The following PTK2B variants were observed in gnomAD, a reference collection of about 807,000 sequenced individuals.
PTK2B encodes the protein protein tyrosine kinase 2 beta.
PTK2B carries 71 observed loss-of-function variants against 142.9 expected under a neutral mutation model. That is an observed-to-expected ratio of 0.50 (90% confidence interval 0.41 to 0.61). The LOEUF (loss-of-function observed/expected upper bound fraction) is 0.61, where lower values mean the gene tolerates loss of function less well. Among genes scored for constraint, PTK2B ranks in the 20% least tolerant of loss-of-function variants. The pLI is 0.00. For synonymous variants in PTK2B, 519 were observed against 503.4 expected (o/e 1.03, Z -0.42); for missense variants, 1,105 against 1,320.4 (o/e 0.84, Z 2.53).
chr8:27,353,492 C>T (rs548130911), intron 1 of PTK2B, among the ~76,000 whole-genome samples: 14 of 152,346 alleles, frequency 9.2e-5, no homozygotes, highest in South Asian at 2.1e-4. Context: ...TGCCCTCACA[C>T]GCTGATCTGT....
rs552573345 is a variant in PTK2B at position 27,390,063 on chromosome 8, G to A, written c.-37-7485G>A. Among the ~76,000 whole-genome samples the A allele has an allele frequency of 1.2e-4, 18 of 152,196 alleles. 1 individual carries two copies. Among genetic ancestry groups the A allele is most frequent in the South Asian group, 8.3e-4 (4 of 4,826 alleles). On this transcript the variant is annotated intron_variant, in intron 1 of 30. Transcript: ENST00000346049. ...GGAGTGGAAATAAAGTGTGTGTCTC[G>A]TGACATTGTGACTTCTGCTAGATCC...
chr8:27,362,543 C>T (rs552626767), intron 1 of PTK2B, among the ~76,000 whole-genome samples: 38 of 152,200 alleles, frequency 2.5e-4, no homozygotes, highest in Admixed American at 2.5e-3. Flanking sequence ...TCTGACACTA[C>T]TCATCCTCCT....
Position 27,363,899 on chromosome 8 carries a change from C to A in PTK2B, c.-37-33649C>A, listed in dbSNP as rs967299660. ...CTGGAGATGAGGAAGTGAGGAAATACCCAGGGCGCTGCAGGGCTAAGATTA... is the reference window on the plus strand; with the variant it reads ...CTGGAGATGAGGAAGTGAGGAAATAACCAGGGCGCTGCAGGGCTAAGATTA... On this transcript the variant is annotated intron_variant, in intron 1 of 30. Transcript: ENST00000346049. The surrounding 1 kb of genome is among the most constrained non-coding windows in gnomAD (Gnocchi z 4.3). Among the ~76,000 whole-genome samples the A allele has an allele frequency of 6.6e-6, 1 of 152,182 alleles. No individual in the cohort carries two copies. The highest frequency in any genetic ancestry group is 2.4e-5 in the African/African-American group (1 of 41,434).
intron 3 of PTK2B, among the ~76,000 whole-genome samples, chr8:27,319,280 T>C (rs1429392893): frequency 7.2e-6 from 1 of 139,022 alleles, no homozygotes; most frequent in African/African-American, 3.3e-5. Context: ...TCTACAGATT[T>C]TTTTTTGGAT....
rs1812327829 is a variant in PTK2B at position 27,458,954 on chromosome 8, G to T, written c.*445G>T. The T allele has an allele frequency of 3.1e-6, 1 of 319,962 alleles. No homozygotes were observed. Among genetic ancestry groups the T allele is most frequent in the Admixed American group, 4.6e-5 (1 of 21,802 alleles). The allele number at this position is 319,962 out of a possible 1,614,324, so 19.8% of individuals were successfully genotyped here. A position where few individuals can be genotyped will look rare whatever the true frequency, so the allele number is the denominator to read the frequency against. ...AGAAGCTGGGGAGGAGCTTTGTTTT[G>T]GGGGTCAGGCAGCCAGTGAGATGAG... On this transcript the variant is annotated 3_prime_UTR_variant, in exon 31 of 31. Coordinates refer to ENST00000346049, the MANE Select transcript of PTK2B (RefSeq NM_173176.3).
At chr8:27,384,102 G>C (rs185570145) in intron 1 of PTK2B, among the ~76,000 whole-genome samples, 1 of 151,276 alleles carries the variant, frequency 6.6e-6, no homozygotes, top group South Asian at 2.1e-4. Context: ...CTCCTGCCTC[G>C]GCCTCCCAAA....
Position 27,430,999 on chromosome 8 carries a change from T to C in PTK2B, c.793T>C (p.Tyr265His), listed in dbSNP as rs772315208. ...AGFANIDQET[Y>H]RCELIQGWNI... ...CTTCGCCAACATCGACCAGGAGACC[T>C]ACCGCTGTGAACTCATTGTAATGGC... The change falls in exon 8 of 31, where the codon TAC becomes CAC. Residue 265 changes from tyrosine to histidine, a missense_variant. Tyr to His is a moderately conservative substitution (Grantham distance 83). Coordinates refer to ENST00000346049, the MANE Select transcript of PTK2B (RefSeq NM_173176.3). 7 of 1,613,926 alleles carry C rather than the reference T, an allele frequency of 4.3e-6. No homozygotes were observed. The highest frequency in any genetic ancestry group is 1.3e-5 in the African/African-American group (1 of 74,934).
chr8:27,331,444 C>T (rs918991239), intron 1 of PTK2B, among the ~76,000 whole-genome samples: 2 of 149,590 alleles, frequency 1.3e-5, no homozygotes, highest in Admixed American at 1.3e-4. Context: ...CCACTTGGAG[C>T]ACCATCATTT....
chr8:27,453,300 G>A (rs919187718), intron 28 of PTK2B, 140 bp downstream of exon 28: 11 of 1,171,530 alleles, frequency 9.4e-6, no homozygotes, highest in Non-Finnish European at 1.3e-5. Flanking sequence ...CCGGGGTTAG[G>A]GGGCGGGTGG....
At chr8:27,436,156 TG>T in intron 14 of PTK2B, 94 bp from the exon 15 acceptor site, 1 of 1,170,120 alleles carries the variant, frequency 8.5e-7, no homozygotes, top group Non-Finnish European at 1.3e-6. Flanking sequence ...GTTATAGATC[TG>T]GTGACGCCTG....
chr8:27,331,687 A>G (rs1249577198), intron 1 of PTK2B, among the ~76,000 whole-genome samples: 2 of 113,984 alleles, frequency 1.8e-5, no homozygotes, highest in South Asian at 3.2e-4. Context: ...GGGTTTCACC[A>G]TATTAGCCAG....
At chr8:27,433,806 C>G (rs1810595562) in intron 11 of PTK2B, among the ~76,000 whole-genome samples, 1 of 152,214 alleles carries the variant, frequency 6.6e-6, no homozygotes, top group African/African-American at 2.4e-5. Context: ...CCAGCAAGCT[C>G]AAAGCCATTG....
Position 27,450,768 on chromosome 8 carries a change from C to A in PTK2B, c.2360C>A (p.Pro787His). ...TCCCAGGAGGAGGACTTCATCCAAC[C>A]CAGCAGCCGAGAAGAGGCCCAGCAG... ...HSMREEDFIQPSSREEAQQLW... is the reference protein window; with the variant it reads ...HSMREEDFIQHSSREEAQQLW... The change falls in exon 25 of 31, where the codon CCC (proline) becomes CAC (histidine). Residue 787 changes from proline (P) to histidine (H), a missense_variant. Physicochemically the swap from Pro to His is moderately conservative, Grantham distance 77. Transcript: ENST00000346049. 1 of 1,614,182 alleles carries A rather than the reference C, an allele frequency of 6.2e-7. No homozygotes were observed. The highest frequency in any genetic ancestry group is 8.5e-7 in the Non-Finnish European group (1 of 1,180,020).
chr8:27,310,885 C>T (rs768831774), upstream of PTK2B: 43 of 1,612,836 alleles, frequency 2.7e-5, no homozygotes, highest in Non-Finnish European at 3.6e-5. Flanking sequence ...AGCACAGCAG[C>T]TCCTTGTCCT....
At chr8:27,403,389 C>T (rs1287299274) in intron 2 of PTK2B, among the ~76,000 whole-genome samples, 1 of 152,178 alleles carries the variant, frequency 6.6e-6, no homozygotes, top group Non-Finnish European at 1.5e-5. Flanking sequence ...TCTTTATTCT[C>T]TGCTTTTTTT....
In PTK2B at chr8:27,423,604, A is replaced by G. The variant is rs1250171623; in HGVS notation, c.551+1221A>G. 2.0e-5 allele frequency among the ~76,000 whole-genome samples: 3 copies of G among 152,070 alleles called. No individual in the cohort carries two copies. In the East Asian group the frequency reaches 5.8e-4, roughly 29 times the overall value. On this transcript the variant is annotated intron_variant, in intron 5 of 30. Coordinates refer to ENST00000346049, the MANE Select transcript of PTK2B (RefSeq NM_173176.3). Reference sequence around the variant, plus strand: ...CCAAGGATTACTTCCTGTTTTCTAGAACTGCATTTCCGGAGCCTTATCTGT... The same window carrying G: ...CCAAGGATTACTTCCTGTTTTCTAGGACTGCATTTCCGGAGCCTTATCTGT...
intron 1 of PTK2B, among the ~76,000 whole-genome samples, chr8:27,358,356 G>A (rs1020580711): frequency 6.6e-6 from 1 of 152,172 alleles, no homozygotes; most frequent in African/African-American, 2.4e-5. Flanking sequence ...ATTTTTAATT[G>A]TCTGTGTTTT....
At chr8:27,385,270 G>A (rs1807278701) in intron 1 of PTK2B, among the ~76,000 whole-genome samples, 1 of 152,226 alleles carries the variant, frequency 6.6e-6, no homozygotes, top group African/African-American at 2.4e-5. Flanking sequence ...CTTTGGCATG[G>A]AGAGCTGGAG....
chr8:27,350,990 A>AAATAT (rs1554483396), intron 1 of PTK2B, among the ~76,000 whole-genome samples: 1 of 12,092 alleles, frequency 8.3e-5, no homozygotes, highest in Admixed American at 9.6e-4. Flanking sequence ...AAAAAAAAAA[A>AAATAT]ATATATATAT....
Sources: allele counts gnomAD v4.1 joint callset (sites outside exome capture counted in the v4.1 genomes callset), GRCh38; gene constraint gnomAD v4.1.1; non-coding constraint Gnocchi (gnomAD v3.1); transcripts MANE v1.5; gene names NCBI Gene and HGNC (gene_info 2026-07-23, HGNC 2026-07-21).